CACNA1I: variants seen among roughly 807,000 people sequenced by gnomAD.
CACNA1I encodes the protein calcium voltage-gated channel subunit alpha1 I.
Under a neutral mutation model 201.6 loss-of-function variants are expected in CACNA1I, and 74 were observed. The ratio of observed to expected loss-of-function variants is 0.37; its 90% CI spans 0.30 to 0.45. CACNA1I has a LOEUF of 0.45. Among genes scored for constraint, CACNA1I ranks in the 20% least tolerant of loss-of-function variants. The pLI, the probability that CACNA1I is intolerant of heterozygous loss-of-function variation, is 1.00. For synonymous variants in CACNA1I, 1,431 were observed against 1,345.2 expected (o/e 1.06, Z -1.40); for missense variants, 2,346 against 3,138.1 (o/e 0.75, Z 6.03).
chr22:39,589,774 G>A (rs1490197825), intron 1 of CACNA1I, among the ~76,000 whole-genome samples: 3 of 152,200 alleles, frequency 2.0e-5, no homozygotes, highest in African/African-American at 4.8e-5. Flanking sequence ...CTGGGGACCA[G>A]CAGGGGAGGG....
intron 1 of CACNA1I, among the ~76,000 whole-genome samples, chr22:39,588,613 C>T (rs1932786960): frequency 6.6e-6 from 1 of 151,772 alleles, no homozygotes; most frequent in African/African-American, 2.4e-5. Flanking sequence ...TCTCGATCTC[C>T]TGACCTCGTG....
chr22:39,637,138 C>A (rs1477028729), intron 5 of CACNA1I, among the ~76,000 whole-genome samples: 1 of 152,162 alleles, frequency 6.6e-6, no homozygotes, highest in African/African-American at 2.4e-5. Flanking sequence ...TGCAGAGACC[C>A]TTTATCTTGG....
In CACNA1I at chr22:39,587,221, C is replaced by T. The variant is rs1010126177; in HGVS notation, c.237-10930C>T. ...CCAAATACAATGAGTTCTTATACAA[C>T]GGGGATTCCAAGAAGTGGGGCTGGC... On this transcript the variant is annotated intron_variant, in intron 1 of 36. Transcript: ENST00000402142. Among the ~76,000 whole-genome samples the T allele has an allele frequency of 3.9e-5, 6 of 152,266 alleles. No individual in the cohort carries two copies. The South Asian group carries it at 6.2e-4, about 16-fold the overall frequency.
chr22:39,635,586 C>T (rs1934192456), intron 5 of CACNA1I, among the ~76,000 whole-genome samples: 1 of 152,290 alleles, frequency 6.6e-6, no homozygotes, highest in Middle Eastern at 3.4e-3. Flanking sequence ...TGTGGGGGAA[C>T]AGTAGGGTAC....
In CACNA1I at chr22:39,677,361, C is replaced by T. The variant is rs778819934; in HGVS notation, c.4875C>T (p.Leu1625=). 1.3e-6 allele frequency: 2 copies of T among 1,599,392 alleles called. No individual in the cohort carries two copies. Among genetic ancestry groups the T allele is most frequent in the Admixed American group, 3.4e-5 (2 of 58,706 alleles). The change falls in exon 30 of 37, where the codon CTC becomes CTT. Residue 1625 remains leucine, a synonymous_variant. Coordinates refer to ENST00000402142, the MANE Select transcript of CACNA1I (RefSeq NM_021096.4). The surrounding 1 kb of genome is among the most constrained non-coding windows in gnomAD (Gnocchi z 4.8). ...CGCAGGTGGGCAACCTGGGCCTCCT[C>T]TTCATGCTGCTCTTCTTCATCTATG... ...ALPQVGNLGL[L]FMLLFFIYAA...
intron 4 of CACNA1I, among the ~76,000 whole-genome samples, chr22:39,622,732 G>T (rs1381018744): frequency 6.6e-6 from 1 of 150,808 alleles, no homozygotes; most frequent in Non-Finnish European, 1.5e-5. Flanking sequence ...GAGAGGGACT[G>T]CTGGGCCCAG....
chr22:39,648,452 C>T lies in CACNA1I; in HGVS notation c.1567+526C>T, dbSNP rs1002667539. Among the ~76,000 whole-genome samples the T allele has an allele frequency of 3.9e-5, 6 of 151,988 alleles. No individual in the cohort carries two copies. The highest frequency in any genetic ancestry group is 2.0e-4 in the East Asian group (1 of 5,104). ...TGGGCCTCCCCTCTGCCCTGGAAAA[C>T]GAGAGTTGGCTGTCGCCCCACGTCC... On this transcript the variant is annotated intron_variant, in intron 9 of 36. Coordinates refer to ENST00000402142, the MANE Select transcript of CACNA1I (RefSeq NM_021096.4). This position sits in a 1 kb window ranked among gnomAD's most constrained non-coding sequence, Gnocchi z 5.4.
chr22:39,641,965 G>A (rs1336777370), intron 6 of CACNA1I, among the ~76,000 whole-genome samples: 1 of 152,114 alleles, frequency 6.6e-6, no homozygotes, highest in Non-Finnish European at 1.5e-5. Flanking sequence ...TGTGTACAGA[G>A]TGCTGGGTAG....
Position 39,663,700 on chromosome 22 carries a change from C to CG in CACNA1I, c.3474-18_3474-17insG. ...GGAGGCAGCTGACGCTCAGGCAGCCCCCGCCCACCCTGCCCAGGTTCCGGG... is the reference window on the plus strand; with the variant it reads ...GGAGGCAGCTGACGCTCAGGCAGCCCGCCGCCCACCCTGCCCAGGTTCCGGG... On this transcript the variant is annotated splice_polypyrimidine_tract_variant and intron_variant, in intron 18 of 36. Coordinates refer to ENST00000402142, the MANE Select transcript of CACNA1I (RefSeq NM_021096.4). 2 of 1,608,964 alleles carry CG rather than the reference C, an allele frequency of 1.2e-6. No homozygotes were observed. The highest frequency in any genetic ancestry group is 1.7e-6 in the Non-Finnish European group (2 of 1,176,364).
chr22:39,670,314 G>A, intron 25 of CACNA1I, 84 bp downstream of exon 25: 4 of 1,389,436 alleles, frequency 2.9e-6, no homozygotes, highest in South Asian at 1.3e-5. Flanking sequence ...TGAGCCTTTG[G>A]AGCTGGAAGG....
intron 3 of CACNA1I, among the ~76,000 whole-genome samples, chr22:39,613,841 C>CTT (rs58159998): frequency 6.8e-6 from 1 of 146,698 alleles, no homozygotes; most frequent in Admixed American, 6.7e-5. Context: ...TGGATCCCTT[C>CTT]TTTTTTTTTT....
Position 39,687,725 on chromosome 22 carries a change from T to G in CACNA1I, c.*1320T>G, listed in dbSNP as rs3747179. 0.19 allele frequency: 28,195 copies of G among 152,216 alleles called. 2,953 individuals are homozygous for G. The highest frequency in any genetic ancestry group is 0.32 in the Middle Eastern group (97 of 300). The allele number at this position is 152,216 out of a possible 1,614,324, so 9.4% of individuals were successfully genotyped here. On this transcript the variant is annotated 3_prime_UTR_variant, in exon 37 of 37. Transcript: ENST00000402142. ...GTGCTTCCCAAACGGGTTCTAGACT[T>G]GGGTGTTTGATTTGAAGAGTTACGC...
intron 3 of CACNA1I, 100 bp downstream of exon 3, chr22:39,600,753 G>A (rs1041020982): frequency 2.2e-6 from 3 of 1,387,476 alleles, no homozygotes; most frequent in South Asian, 3.3e-5. Flanking sequence ...GGGGAATCAC[G>A]GTGATGCGTG....
chr22:39,574,764 G>C (rs948913582), intron 1 of CACNA1I, among the ~76,000 whole-genome samples: 2 of 152,216 alleles, frequency 1.3e-5, no homozygotes, highest in South Asian at 2.1e-4. Flanking sequence ...GAACCCAAAG[G>C]GGTGGTGGGT....
At chr22:39,587,513 A>G (rs1932768367) in intron 1 of CACNA1I, among the ~76,000 whole-genome samples, 1 of 152,036 alleles carries the variant, frequency 6.6e-6, no homozygotes, top group South Asian at 2.1e-4. Context: ...CATGGCCATA[A>G]AGTGGGGTGT....
In CACNA1I at chr22:39,665,700, G is replaced by C; in HGVS notation, c.3978+76G>C. The C allele has an allele frequency of 1.9e-6, 3 of 1,577,894 alleles. No individual in the cohort carries two copies. The highest frequency in any genetic ancestry group is 2.6e-6 in the Non-Finnish European group (3 of 1,155,612). On this transcript the variant is annotated intron_variant, in intron 22 of 36. Coordinates refer to ENST00000402142, the MANE Select transcript of CACNA1I (RefSeq NM_021096.4). This position sits in a 1 kb window ranked among gnomAD's most constrained non-coding sequence, Gnocchi z 5.5. ...GGAAGTCTCAGACAGCCAGGGGAGA[G>C]ACTCCACATTCCAACCTCATGCGCC...
intron 8 of CACNA1I, among the ~76,000 whole-genome samples, chr22:39,647,156 C>T (rs1164293218): frequency 7.7e-5 from 8 of 104,170 alleles, no homozygotes; most frequent in African/African-American, 1.3e-4. Context: ...GATAGCAGAT[C>T]GGCCTCGGAG....
At position 39,648,013 on chromosome 22, in the gene CACNA1I, T is replaced by A; in HGVS notation, c.1567+87T>A. 9.1e-6 allele frequency: 11 copies of A among 1,202,528 alleles called. No individual in the cohort carries two copies. Among genetic ancestry groups the A allele is most frequent in the Non-Finnish European group, 1.3e-5 (11 of 826,908 alleles). 74.5% of individuals were successfully genotyped at this position (1,202,528 alleles called of 1,614,324 possible). A position where few individuals can be genotyped will look rare whatever the true frequency, so the allele number is the denominator to read the frequency against. On this transcript the variant is annotated intron_variant, in intron 9 of 36. Transcript: ENST00000402142. The surrounding 1 kb of genome is among the most constrained non-coding windows in gnomAD (Gnocchi z 5.4). ...GTGCTGAGAAGGAAGTCGGCAGGCA[T>A]GGGGACGGCGCTTGAGCAGCCGCGA...
chr22:39,611,788 G>A (rs1055252481), intron 3 of CACNA1I, among the ~76,000 whole-genome samples: 1 of 152,172 alleles, frequency 6.6e-6, no homozygotes, highest in African/African-American at 2.4e-5. Context: ...CTGCCACTGA[G>A]GTTCCCAGAG....
Sources: gnomAD v4.1 joint callset for allele counts (sites outside exome capture counted in the v4.1 genomes callset) on GRCh38, gnomAD v4.1.1 for gene constraint, Gnocchi (gnomAD v3.1) non-coding constraint, MANE v1.5 for transcripts, NCBI Gene and HGNC (gene_info 2026-07-23, HGNC 2026-07-21) for gene names.